Variants in PRIM2 observed in about 807,000 individuals in gnomAD.
PRIM2 encodes DNA primase subunit 2.
A neutral mutation model predicts 67.3 loss-of-function variants in PRIM2; 39 were observed. The ratio of observed to expected loss-of-function variants is 0.58; its 90% CI spans 0.45 to 0.76. PRIM2 has a LOEUF of 0.76. Among genes scored for constraint, PRIM2 ranks in the 30% least tolerant of loss-of-function variants. The pLI is 0.00. For missense variants in PRIM2, 398 were observed against 598.7 expected (o/e 0.66, Z 3.50); for synonymous variants, 143 against 198.7 (o/e 0.72, Z 2.36).
intron 7 of PRIM2, among the ~76,000 whole-genome samples, chr6:57,490,859 G>A (rs1554345910): frequency 1.5e-4 from 23 of 152,202 alleles, no homozygotes; most frequent in African/African-American, 5.5e-4. Context: ...ACCTCGGCCT[G>A]CCAGAGTGTT....
chr6:57,511,947 A>C (rs1270266210), intron 8 of PRIM2, among the ~76,000 whole-genome samples: 1 of 152,232 alleles, frequency 6.6e-6, no homozygotes, highest in African/African-American at 2.4e-5. Flanking sequence ...GTTAAAATAA[A>C]GGGAACGGTT....
intron 7 of PRIM2, among the ~76,000 whole-genome samples, chr6:57,431,090 A>G (rs1771813729): frequency 1.3e-5 from 2 of 152,114 alleles, no homozygotes; most frequent in African/African-American, 4.8e-5. Flanking sequence ...ACACACACAG[A>G]CACACACACA....
the PRIM2 span, among the ~76,000 whole-genome samples, chr6:57,261,194 G>C: frequency 5.9e-5 from 9 of 152,266 alleles, no homozygotes; most frequent in Non-Finnish European, 1.2e-4. Flanking sequence ...AGATGACAAA[G>C]GTAAGAAGCC....
chr6:57,507,918 CCTTT>C (rs1400214652), intron 8 of PRIM2, among the ~76,000 whole-genome samples: 2 of 151,956 alleles, frequency 1.3e-5, no homozygotes, highest in Non-Finnish European at 2.9e-5. Flanking sequence ...TAATGTTTAT[CCTTT>C]CTATGTTTTT....
At chr6:57,224,336 G>A in the PRIM2 span, among the ~76,000 whole-genome samples, 1 of 152,108 alleles carries the variant, frequency 6.6e-6, no homozygotes, top group Non-Finnish European at 1.5e-5. Flanking sequence ...ATGCCTAGTC[G>A]CAAAAGGACA....
At chr6:57,386,559 G>A (rs1213404749) in intron 7 of PRIM2, among the ~76,000 whole-genome samples, 4 of 151,524 alleles carry the variant, frequency 2.6e-5, no homozygotes, top group Non-Finnish European at 5.9e-5. Flanking sequence ...TCTCCTGGGT[G>A]GTTCAGGGCC....
the PRIM2 span, among the ~76,000 whole-genome samples, chr6:57,278,344 T>C: frequency 6.6e-6 from 1 of 152,084 alleles, no homozygotes; most frequent in Non-Finnish European, 1.5e-5. Context: ...ATTCTACCTT[T>C]GGAGCATATA....
At chr6:57,537,826 A>C (rs1313243780) in intron 10 of PRIM2, among the ~76,000 whole-genome samples, 2 of 152,316 alleles carry the variant, frequency 1.3e-5, no homozygotes, top group East Asian at 3.9e-4. Context: ...GAATGTTTTC[A>C]TTTGTAGGTA....
chr6:57,572,492 T>C (rs1261884753), intron 10 of PRIM2, among the ~76,000 whole-genome samples: 18 of 152,220 alleles, frequency 1.2e-4, no homozygotes, highest in African/African-American at 2.9e-4. Context: ...TTGTGGGATA[T>C]GATGTTTTCA....
chr6:57,349,024 C>T (rs866476541), intron 5 of PRIM2, among the ~76,000 whole-genome samples: 8 of 152,062 alleles, frequency 5.3e-5, no homozygotes, highest in East Asian at 1.9e-4. Context: ...GGATTACAGA[C>T]GTGAGACACC....
intron 7 of PRIM2, among the ~76,000 whole-genome samples, chr6:57,393,000 T>TTTTA (rs1554333683): frequency 4.7e-5 from 7 of 149,964 alleles, no homozygotes; most frequent in Admixed American, 2.7e-4. Context: ...GTATTCCTTA[T>TTTTA]TATATATATA....
intron 7 of PRIM2, among the ~76,000 whole-genome samples, chr6:57,454,957 A>G (rs1339069381): frequency 6.6e-6 from 1 of 151,944 alleles, no homozygotes; most frequent in Non-Finnish European, 1.5e-5. Flanking sequence ...AGTGCTTTGA[A>G]TGTGTCCCAG....
chr6:57,498,718 G>A (rs1400097995), intron 7 of PRIM2, among the ~76,000 whole-genome samples: 2 of 152,086 alleles, frequency 1.3e-5, no homozygotes, highest in Admixed American at 6.6e-5. Context: ...ATTTTTATGT[G>A]TTTTAATTTC....
At chr6:57,516,487 A>G (rs1207534225) in intron 8 of PRIM2, among the ~76,000 whole-genome samples, 5 of 152,216 alleles carry the variant, frequency 3.3e-5, no homozygotes, top group Admixed American at 6.5e-5. Flanking sequence ...TAAAGTTGAA[A>G]AAAGGTATAA....
chr6:57,491,465 A>G (rs1773889299), intron 7 of PRIM2, among the ~76,000 whole-genome samples: 3 of 152,174 alleles, frequency 2.0e-5, no homozygotes, highest in Non-Finnish European at 4.4e-5. Flanking sequence ...TTTTATAACT[A>G]TTTGGGAGAA....
intron 7 of PRIM2, among the ~76,000 whole-genome samples, chr6:57,499,755 A>G (rs1338161271): frequency 1.3e-5 from 2 of 152,196 alleles, no homozygotes; most frequent in Non-Finnish European, 2.9e-5. Flanking sequence ...TAGTGATGGG[A>G]AAGAAAGATA....
chr6:57,518,321 T>C (rs1554348478), intron 8 of PRIM2, among the ~76,000 whole-genome samples: 14,090 of 152,236 alleles, frequency 0.093, 737 homozygotes, highest in East Asian at 0.21. Context: ...TCCTTAATCA[T>C]CCAATGTAAA....
At chr6:57,463,343 T>A (rs1773070814) in intron 7 of PRIM2, among the ~76,000 whole-genome samples, 2 of 152,080 alleles carry the variant, frequency 1.3e-5, no homozygotes, top group Admixed American at 6.5e-5. Flanking sequence ...AAATAAAAAA[T>A]TAGCCAGGTG....
At chr6:57,252,590 G>A in the PRIM2 span, among the ~76,000 whole-genome samples, 2 of 152,190 alleles carry the variant, frequency 1.3e-5, no homozygotes, top group Admixed American at 6.5e-5. Flanking sequence ...ACAGGCACAC[G>A]CCACCATGTC....
Sources: gnomAD v4.1 joint callset for allele counts (sites outside exome capture counted in the v4.1 genomes callset) on GRCh38, gnomAD v4.1.1 for gene constraint, MANE v1.5 for transcripts, NCBI Gene and HGNC (gene_info 2026-07-23, HGNC 2026-07-21) for gene names.